The following ZMYM2 variants were observed in gnomAD, a reference collection of about 807,000 sequenced individuals.
ZMYM2 encodes zinc finger MYM-type protein 2.
Under a neutral mutation model 162.8 loss-of-function variants are expected in ZMYM2, and 56 were observed. That is an observed-to-expected ratio of 0.34 (90% confidence interval 0.28 to 0.43). The LOEUF (loss-of-function observed/expected upper bound fraction) is 0.43, where lower values mean the gene tolerates loss of function less well. Ranked by LOEUF, ZMYM2 falls within the 20% of genes least tolerant of loss-of-function variation. The pLI, the probability that ZMYM2 is intolerant of heterozygous loss-of-function variation, is 1.00. For synonymous variants in ZMYM2, 510 were observed against 541.6 expected, an observed-to-expected ratio of 0.94 and a Z score of 0.81; for missense variants, 1,275 against 1,621.8, an observed-to-expected ratio of 0.79 and a Z score of 3.67.
the ZMYM2 span, among the ~76,000 whole-genome samples, chr13:19,918,794 T>A: frequency 6.6e-6 from 1 of 152,100 alleles, no homozygotes; most frequent in African/African-American, 2.4e-5. Flanking sequence ...CCACCACACC[T>A]GGCCAAAAAC....
chr13:19,951,911 G>C, the ZMYM2 span, among the ~76,000 whole-genome samples: 1 of 152,074 alleles, frequency 6.6e-6, no homozygotes, highest in Non-Finnish European at 1.5e-5. Context: ...AATGAAATCA[G>C]TTCCTTCAGG....
intron 6 of ZMYM2, among the ~76,000 whole-genome samples, chr13:20,008,345 G>C (rs1448166634): frequency 6.6e-6 from 1 of 152,136 alleles, no homozygotes; most frequent in African/African-American, 2.4e-5. Context: ...TGTCCATGCT[G>C]GTCTCAAACT....
At chr13:20,077,331 AT>A (rs1000051809) in intron 21 of ZMYM2, among the ~76,000 whole-genome samples, 2 of 150,404 alleles carry the variant, frequency 1.3e-5, no homozygotes, top group African/African-American at 2.5e-5. Context: ...AATTATCAGC[AT>A]TTTTTTATGA....
chr13:19,954,139 T>TTTTTTTTTTTTTTTTTTTTTTG, upstream of ZMYM2, among the ~76,000 whole-genome samples: 1 of 104,478 alleles, frequency 9.6e-6, no homozygotes, highest in Non-Finnish European at 2.1e-5. Context: ...TTTTTTTTTT[T>TTTTTTTTTTTTTTTTTTTTTTG]TTTTTTTTAG....
chr13:19,925,488 G>C, the ZMYM2 span, among the ~76,000 whole-genome samples: 1 of 152,072 alleles, frequency 6.6e-6, no homozygotes, highest in Non-Finnish European at 1.5e-5. Context: ...ATCTCAAGTA[G>C]TTATGATATG....
chr13:20,068,347 C>T (rs1956832520), intron 21 of ZMYM2: 1 of 173,946 alleles, frequency 5.7e-6, no homozygotes, highest in South Asian at 2.0e-4. Flanking sequence ...TAAAACCTAA[C>T]TTAAAGGATT....
intron 21 of ZMYM2, among the ~76,000 whole-genome samples, chr13:20,080,397 C>A (rs1323341783): frequency 1.3e-5 from 2 of 151,888 alleles, no homozygotes; most frequent in Non-Finnish European, 2.9e-5. Flanking sequence ...TTTTACTTTT[C>A]ACTTATCTGT....
At chr13:19,947,518 T>C in the ZMYM2 span, among the ~76,000 whole-genome samples, 1 of 149,976 alleles carries the variant, frequency 6.7e-6, no homozygotes, top group African/African-American at 2.5e-5. Flanking sequence ...TGGAGTGCAA[T>C]GCATGATCTT....
At chr13:19,943,683 A>C in the ZMYM2 span, among the ~76,000 whole-genome samples, 1 of 152,136 alleles carries the variant, frequency 6.6e-6, no homozygotes, top group Admixed American at 6.6e-5. Flanking sequence ...AGAAGGGTGG[A>C]TGGGAATGGG....
the ZMYM2 span, among the ~76,000 whole-genome samples, chr13:19,925,854 G>A: frequency 7.4e-6 from 1 of 134,498 alleles, no homozygotes; most frequent in Non-Finnish European, 1.6e-5. Flanking sequence ...CCAGGCGACA[G>A]AGCAAGACTC....
chr13:20,036,151 T>C (rs900718443), intron 11 of ZMYM2, among the ~76,000 whole-genome samples: 2 of 152,106 alleles, frequency 1.3e-5, no homozygotes, highest in African/African-American at 4.8e-5. Flanking sequence ...AGAGGTGTTA[T>C]AGGGAATAAA....
chr13:19,922,412 GT>G, the ZMYM2 span, among the ~76,000 whole-genome samples: 1 of 152,186 alleles, frequency 6.6e-6, no homozygotes, highest in Non-Finnish European at 1.5e-5. Flanking sequence ...ATAGCAAGCA[GT>G]TTCAAAAGAC....
chr13:19,998,079 A>G (rs1197679760), intron 3 of ZMYM2, among the ~76,000 whole-genome samples: 3 of 152,196 alleles, frequency 2.0e-5, no homozygotes, highest in Non-Finnish European at 4.4e-5. Context: ...ACACAAAGAG[A>G]CATATGAATT....
At chr13:20,061,358 GT>G in intron 17 of ZMYM2, 134 bp downstream of exon 17, 1 of 782,634 alleles carries the variant, frequency 1.3e-6, no homozygotes, top group Non-Finnish European at 1.7e-6. Flanking sequence ...TAACAAAAAT[GT>G]TTTTTATATT....
At chr13:19,866,985 A>G in the ZMYM2 span, among the ~76,000 whole-genome samples, 1 of 152,346 alleles carries the variant, frequency 6.6e-6, no homozygotes, top group South Asian at 2.1e-4. Context: ...AAAATATTTA[A>G]TTCTTGGAGT....
At chr13:20,068,295 C>G (rs762515269) in intron 21 of ZMYM2, 28 of 177,796 alleles carry the variant, frequency 1.6e-4, no homozygotes, top group Non-Finnish European at 3.1e-4. Context: ...TTCCACAAAC[C>G]TCTGAAAAGC....
At chr13:20,066,661 G>A (rs1956701441) in intron 19 of ZMYM2, 190 bp from the exon 20 acceptor site, 1 of 433,128 alleles carries the variant, frequency 2.3e-6, no homozygotes, top group Non-Finnish European at 4.0e-6. Context: ...GGCACGATTG[G>A]AAGAGGTAGA....
At chr13:19,866,725 G>GTC in the ZMYM2 span, among the ~76,000 whole-genome samples, 3 of 151,968 alleles carry the variant, frequency 2.0e-5, no homozygotes, top group Admixed American at 6.6e-5. Flanking sequence ...GTGGGACCCA[G>GTC]TCTCTACAAA....
chr13:19,985,186 T>C (rs1184698678), intron 2 of ZMYM2, among the ~76,000 whole-genome samples: 2 of 152,176 alleles, frequency 1.3e-5, no homozygotes, highest in East Asian at 3.9e-4. Context: ...TGTAGTGGCA[T>C]GATCTCTGCT....
Sources: allele counts gnomAD v4.1 joint callset (sites outside exome capture counted in the v4.1 genomes callset), GRCh38; gene constraint gnomAD v4.1.1; transcripts MANE v1.5; gene names NCBI Gene and HGNC (gene_info 2026-07-23, HGNC 2026-07-21).